SYNE1: variants seen among roughly 807,000 people sequenced by gnomAD.
SYNE1 encodes the protein spectrin repeat containing nuclear envelope protein 1.
In SYNE1, 616 loss-of-function variants were observed where a neutral mutation model predicts 1,111.0. That is an observed-to-expected ratio of 0.55 (90% CI 0.52 to 0.59). The LOEUF (loss-of-function observed/expected upper bound fraction) is 0.59, where lower values mean the gene tolerates loss of function less well. Among genes scored for constraint, SYNE1 ranks in the 20% least tolerant of loss-of-function variants. The pLI is 0.00. For synonymous variants in SYNE1, 3,855 were observed against 3,825.8 expected (o/e 1.01, Z -0.28); for missense variants, 10,006 against 10,417.0 (o/e 0.96, Z 1.72).
intron 4 of SYNE1, among the ~76,000 whole-genome samples, chr6:152,527,296 C>A (rs2154354900): frequency 6.6e-6 from 1 of 152,252 alleles, no homozygotes. Context: ...CTGAATAGTA[C>A]AATTCTAAGT....
Position 152,334,028 on chromosome 6 carries a change from T to C in SYNE1, c.12774A>G (p.Thr4258=). ...VVEVFLEKFT[T]EWDNLARSDA... ...GTTACCTGGCCAAGTTATCCCATTCTGTAGTAAATTTTTCTAGGAACACTT... is the reference window on the plus strand; with the variant it reads ...GTTACCTGGCCAAGTTATCCCATTCCGTAGTAAATTTTTCTAGGAACACTT... The change falls in exon 77 of 146, where the codon ACA becomes ACG. Residue 4258 remains threonine (T), a synonymous_variant. Transcript: ENST00000367255. 6.2e-7 allele frequency: 1 copy of C among 1,614,192 alleles called. No homozygotes were observed. Among genetic ancestry groups the C allele is most frequent in the East Asian group, 2.2e-5 (1 of 44,878 alleles).
chr6:152,306,936 T>C (rs1470540302), intron 91 of SYNE1, among the ~76,000 whole-genome samples: 1 of 150,316 alleles, frequency 6.7e-6, no homozygotes, highest in Admixed American at 6.6e-5. Context: ...CACAAGTTTC[T>C]TGGGGAAGAA....
chr6:152,253,115 G>T (rs905190371), intron 104 of SYNE1, among the ~76,000 whole-genome samples: 1 of 152,128 alleles, frequency 6.6e-6, no homozygotes, highest in Admixed American at 6.5e-5. Flanking sequence ...TGAGTTGCTG[G>T]TGGTACCATC....
intron 142 of SYNE1, chr6:152,133,708 T>C: frequency 1.7e-6 from 1 of 589,286 alleles, no homozygotes; most frequent in Non-Finnish European, 3.0e-6. Flanking sequence ...TGATCTCAGT[T>C]TGATTTGATG....
At chr6:152,420,123 G>A (rs142709973) in intron 39 of SYNE1, among the ~76,000 whole-genome samples, 7 of 152,158 alleles carry the variant, frequency 4.6e-5, no homozygotes, top group Admixed American at 3.9e-4. Context: ...GTTTTTAATC[G>A]TGTCTTTAAC....
At chr6:152,242,567 G>T in intron 106 of SYNE1, 127 bp from the exon 107 acceptor site, 1 of 926,490 alleles carries the variant, frequency 1.1e-6, no homozygotes, top group Non-Finnish European at 1.7e-6. Flanking sequence ...TGTGCCTCCT[G>T]GAAACGCTCT....
chr6:152,584,264 G>A (rs888778448), intron 3 of SYNE1, among the ~76,000 whole-genome samples: 2 of 151,772 alleles, frequency 1.3e-5, no homozygotes, highest in South Asian at 2.1e-4. Context: ...GAGAGAGAGA[G>A]AGAGACAGAG....
At chr6:152,264,313 C>T (rs761460774) in intron 100 of SYNE1, among the ~76,000 whole-genome samples, 7 of 150,490 alleles carry the variant, frequency 4.7e-5, no homozygotes, top group Non-Finnish European at 2.9e-5. Flanking sequence ...TAACTAAAAC[C>T]GTGTCATCTA....
chr6:152,297,818 TGTGTGC>T (rs59508054), intron 93 of SYNE1, among the ~76,000 whole-genome samples: 24,136 of 81,398 alleles, frequency 0.3, 2,037 homozygotes, highest in Non-Finnish European at 0.31. Flanking sequence ...TGTGTGTGTG[TGTGTGC>T]GCGCGCACGT....
At chr6:152,483,580 C>A (rs2098921334) in intron 13 of SYNE1, among the ~76,000 whole-genome samples, 2 of 152,130 alleles carry the variant, frequency 1.3e-5, no homozygotes. Context: ...GGGAAGGGAT[C>A]AGGTTTGGTG....
chr6:152,444,313 C>A, intron 30 of SYNE1, 98 bp downstream of exon 30: 1 of 1,377,406 alleles, frequency 7.3e-7, no homozygotes, highest in Non-Finnish European at 1.0e-6. Flanking sequence ...CCCCCTCACC[C>A]ACTCTCTCAA....
chr6:152,235,737 G>A (rs945578328), intron 110 of SYNE1, among the ~76,000 whole-genome samples: 4 of 151,676 alleles, frequency 2.6e-5, no homozygotes, highest in Non-Finnish European at 1.5e-5. Flanking sequence ...ATATCTACTT[G>A]CCTTATTTAT....
chr6:152,243,894 T>C (rs2086412701), intron 106 of SYNE1, among the ~76,000 whole-genome samples: 1 of 152,186 alleles, frequency 6.6e-6, no homozygotes, highest in Admixed American at 6.5e-5. Context: ...TCCAAGGATC[T>C]TCTTCCTACC....
intron 44 of SYNE1, 59 bp downstream of exon 44, chr6:152,409,009 A>C: frequency 6.4e-7 from 1 of 1,560,530 alleles, no homozygotes; most frequent in Non-Finnish European, 8.8e-7. Flanking sequence ...TTGTCCAAAA[A>C]TTTGATTGGG....
chr6:152,216,886 C>T (rs971700756), intron 121 of SYNE1, among the ~76,000 whole-genome samples: 1 of 151,370 alleles, frequency 6.6e-6, no homozygotes, highest in Non-Finnish European at 1.5e-5. Context: ...AACCACCCCC[C>T]TCTCCATCTC....
chr6:152,463,555 A>G (rs2098746635), intron 18 of SYNE1, 38 bp from the exon 19 acceptor site: 1 of 1,541,768 alleles, frequency 6.5e-7, no homozygotes, highest in African/African-American at 1.4e-5. Context: ...TAAACCATAA[A>G]CCAAATATCA....
intron 66 of SYNE1, among the ~76,000 whole-genome samples, chr6:152,357,906 A>G (rs1020226230): frequency 3.9e-5 from 6 of 152,038 alleles, no homozygotes; most frequent in African/African-American, 1.4e-4. Flanking sequence ...TACTTCTGTA[A>G]TTCCTTCTTC....
Position 152,465,792 on chromosome 6 carries a change from C to CACAG in SYNE1, c.1729+189_1729+190insCTGT, listed in dbSNP as rs1554757068. 2.1e-3 allele frequency among the ~76,000 whole-genome samples: 324 copies of CACAG among 151,850 alleles called. 1 individual carries two copies. The highest frequency in any genetic ancestry group is 7.4e-3 in the African/African-American group (304 of 41,356). The stretch of plus-strand genomic sequence containing the variant: ...ACACACACACACACACACACACACA[C>CACAG]ACACAATGATTATGCAGGTTAGGCA... On this transcript the variant is annotated intron_variant, in intron 17 of 145. Coordinates refer to ENST00000367255, the MANE Select transcript of SYNE1 (RefSeq NM_182961.4).
chr6:152,211,683 C>G, intron 123 of SYNE1, 95 bp from the exon 124 acceptor site: 1 of 1,007,786 alleles, frequency 9.9e-7, no homozygotes. Flanking sequence ...TTTCGCAAGA[C>G]TATGAAAGCT....
Sources: gnomAD v4.1 joint callset for allele counts (sites outside exome capture counted in the v4.1 genomes callset) on GRCh38, gnomAD v4.1.1 for gene constraint, MANE v1.5 for transcripts, NCBI Gene and HGNC (gene_info 2026-07-23, HGNC 2026-07-21) for gene names.